GRM7: variants seen among roughly 807,000 people sequenced by gnomAD.
The protein encoded by GRM7 is metabotropic glutamate receptor 7.
GRM7 carries 35 observed loss-of-function variants against 84.5 expected under a neutral mutation model. The observed-to-expected ratio is 0.41, with a 90% CI of 0.32 to 0.55. GRM7 has a LOEUF of 0.55. Ranked by LOEUF, GRM7 falls within the 20% of genes least tolerant of loss-of-function variation. GRM7 has a pLI of 0.19. For synonymous variants in GRM7, 487 were observed against 455.1 expected, an observed-to-expected ratio of 1.07 and a Z score of -0.89; for missense variants, 1,003 against 1,194.6, an observed-to-expected ratio of 0.84 and a Z score of 2.36.
chr3:7,584,159 T>C (rs1695403479), intron 8 of GRM7, among the ~76,000 whole-genome samples: 1 of 152,186 alleles, frequency 6.6e-6, no homozygotes, highest in African/African-American at 2.4e-5. Flanking sequence ...ACATAGCACA[T>C]AGAGAAGAGA....
chr3:7,198,288 G>A (rs1462385026), intron 2 of GRM7, among the ~76,000 whole-genome samples: 2 of 152,146 alleles, frequency 1.3e-5, no homozygotes, highest in Non-Finnish European at 2.9e-5. Context: ...CGTACACAAA[G>A]GAGTAATATT....
At chr3:7,239,732 T>G (rs1697479136) in intron 2 of GRM7, among the ~76,000 whole-genome samples, 1 of 152,130 alleles carries the variant, frequency 6.6e-6, no homozygotes, top group South Asian at 2.1e-4. Context: ...TCTGTTTGAT[T>G]AACCGGTTTT....
chr3:7,274,116 T>C (rs1381157287), intron 2 of GRM7, among the ~76,000 whole-genome samples: 1 of 151,984 alleles, frequency 6.6e-6, no homozygotes, highest in Non-Finnish European at 1.5e-5. Flanking sequence ...AATAACACTA[T>C]TACTATCAAT....
intron 1 of GRM7, among the ~76,000 whole-genome samples, chr3:7,051,431 C>T (rs952843433): frequency 6.6e-6 from 1 of 151,718 alleles, no homozygotes; most frequent in South Asian, 2.1e-4. Context: ...AAACTGAATC[C>T]AAATGGCAGT....
chr3:7,463,525 G>T (rs1375219412), intron 7 of GRM7, among the ~76,000 whole-genome samples: 3 of 151,934 alleles, frequency 2.0e-5, no homozygotes, highest in Admixed American at 2.0e-4. Flanking sequence ...AAACAAATGT[G>T]GTCCCTGTTC....
rs552701603 is a variant in GRM7, at chr3:7,569,123, G to A, written c.1516-9299G>A. Among the ~76,000 whole-genome samples, 12 of 152,292 alleles carry A rather than the reference G, an allele frequency of 7.9e-5. No homozygotes were observed. In the South Asian group the frequency reaches 2.3e-3, roughly 29 times the overall value. Reference sequence around the variant, plus strand: ...TAAGGGATTGTAAATACACCTATCAGCACTCTGTATCTAGCTCAAGGTTTA... The same window carrying A: ...TAAGGGATTGTAAATACACCTATCAACACTCTGTATCTAGCTCAAGGTTTA... On this transcript the variant is annotated intron_variant, in intron 7 of 9. Transcript: ENST00000357716.
At chr3:7,389,222 G>A (rs1449189697) in intron 4 of GRM7, among the ~76,000 whole-genome samples, 1 of 152,098 alleles carries the variant, frequency 6.6e-6, no homozygotes, top group East Asian at 1.9e-4. Context: ...GGTATTTATT[G>A]CATTGTGGTC....
At chr3:6,899,611 T>C (rs1696314713) in intron 1 of GRM7, among the ~76,000 whole-genome samples, 1 of 152,202 alleles carries the variant, frequency 6.6e-6, no homozygotes, top group South Asian at 2.1e-4. Context: ...AAGTTACTCA[T>C]AGGCCTTCTT....
chr3:7,543,262 T>C (rs1692983331), intron 7 of GRM7, among the ~76,000 whole-genome samples: 1 of 152,208 alleles, frequency 6.6e-6, no homozygotes, highest in African/African-American at 2.4e-5. Flanking sequence ...TCGATTACAT[T>C]GTCTGTCAAA....
chr3:7,522,901 G>A (rs986984341), intron 7 of GRM7, among the ~76,000 whole-genome samples: 2 of 73,668 alleles, frequency 2.7e-5, no homozygotes, highest in Non-Finnish European at 6.4e-5. Context: ...AAGGAAACAA[G>A]AGAGAGGTAG....
chr3:6,931,731 C>G (rs1293388188), intron 1 of GRM7, among the ~76,000 whole-genome samples: 2 of 152,124 alleles, frequency 1.3e-5, no homozygotes, highest in African/African-American at 4.8e-5. Flanking sequence ...ATTTATTACC[C>G]CCTGCACCAA....
At chr3:7,235,592 G>A (rs1180257451) in intron 2 of GRM7, among the ~76,000 whole-genome samples, 1 of 152,080 alleles carries the variant, frequency 6.6e-6, no homozygotes, top group Non-Finnish European at 1.5e-5. Flanking sequence ...AATTCTTTAC[G>A]GAGAGTGGCA....
At chr3:6,959,264 T>C (rs1258490963) in intron 1 of GRM7, among the ~76,000 whole-genome samples, 1 of 152,232 alleles carries the variant, frequency 6.6e-6, no homozygotes, top group African/African-American at 2.4e-5. Flanking sequence ...TGGCCATGAC[T>C]CTAGCCTGCC....
At chr3:7,592,105 T>A (rs1285509447) in intron 8 of GRM7, among the ~76,000 whole-genome samples, 1 of 152,116 alleles carries the variant, frequency 6.6e-6, no homozygotes, top group Non-Finnish European at 1.5e-5. Context: ...TATATATATA[T>A]GTGTGTGTAG....
intron 4 of GRM7, among the ~76,000 whole-genome samples, chr3:7,327,612 C>A (rs1183245336): frequency 6.6e-6 from 1 of 152,194 alleles, no homozygotes; most frequent in African/African-American, 2.4e-5. Context: ...CCCATTGCCA[C>A]TCCCTAGTAT....
At chr3:7,584,697 G>C (rs1695428105) in intron 8 of GRM7, among the ~76,000 whole-genome samples, 1 of 152,200 alleles carries the variant, frequency 6.6e-6, no homozygotes, top group African/African-American at 2.4e-5. Context: ...GCACTGGTTT[G>C]AAGAAAGCTT....
chr3:6,896,763 T>C (rs974650564), intron 1 of GRM7, among the ~76,000 whole-genome samples: 3 of 152,176 alleles, frequency 2.0e-5, no homozygotes, highest in Non-Finnish European at 4.4e-5. Flanking sequence ...CTTCTTAAAA[T>C]GCCTATCTCC....
intron 1 of GRM7, among the ~76,000 whole-genome samples, chr3:6,924,832 T>G (rs1332955004): frequency 6.6e-6 from 1 of 152,204 alleles, no homozygotes. Flanking sequence ...GTGATATGGA[T>G]GCCTCCATAC....
intron 5 of GRM7, among the ~76,000 whole-genome samples, chr3:7,425,882 A>T (rs1046564314): frequency 6.6e-6 from 1 of 152,172 alleles, no homozygotes; most frequent in African/African-American, 2.4e-5. Context: ...TTGGACTTCT[A>T]ATGTCTGCCT....
Sources: allele counts gnomAD v4.1 joint callset (sites outside exome capture counted in the v4.1 genomes callset), GRCh38; gene constraint gnomAD v4.1.1; transcripts MANE v1.5; gene names NCBI Gene and HGNC (gene_info 2026-07-23, HGNC 2026-07-21).